The following NRXN3 variants were observed in gnomAD, a reference collection of about 807,000 sequenced individuals.
NRXN3 encodes neurexin 3.
NRXN3 carries 32 observed loss-of-function variants against 137.6 expected under a neutral mutation model. The observed-to-expected ratio is 0.23, with a 90% CI of 0.18 to 0.31. The LOEUF is 0.31. Ranked by LOEUF, NRXN3 falls within the 10% of genes least tolerant of loss-of-function variation. The probability of loss-of-function intolerance (pLI) is 1.00; values close to 1 mark genes in which losing one functional copy is unlikely to be tolerated. For synonymous variants in NRXN3, 798 were observed against 784.5 expected (o/e 1.02, Z -0.29); for missense variants, 1,574 against 2,062.5 (o/e 0.76, Z 4.59).
chr14:78,687,795 C>G (rs1405237046), intron 6 of NRXN3, among the ~76,000 whole-genome samples: 1 of 152,228 alleles, frequency 6.6e-6, no homozygotes, highest in Non-Finnish European at 1.5e-5. Context: ...ACACATAACA[C>G]TTCTGCTCAA....
At chr14:78,271,822 T>TG (rs2072801059) in intron 2 of NRXN3, among the ~76,000 whole-genome samples, 1 of 152,194 alleles carries the variant, frequency 6.6e-6, no homozygotes, top group African/African-American at 2.4e-5. Context: ...GGTAGATGAA[T>TG]GGACCCTTAT....
chr14:78,357,630 C>T (rs1314352391), intron 4 of NRXN3, among the ~76,000 whole-genome samples: 1 of 152,116 alleles, frequency 6.6e-6, no homozygotes, highest in Middle Eastern at 3.2e-3. Context: ...AGCATGTCTT[C>T]TCTTATTTTA....
intron 10 of NRXN3, among the ~76,000 whole-genome samples, chr14:78,863,164 A>G (rs1383011499): frequency 6.6e-6 from 1 of 152,164 alleles, no homozygotes; most frequent in Non-Finnish European, 1.5e-5. Context: ...GTCAGGCTAC[A>G]ATACAACATC....
At chr14:78,762,305 T>C (rs1004766210) in intron 8 of NRXN3, among the ~76,000 whole-genome samples, 20 of 152,212 alleles carry the variant, frequency 1.3e-4, no homozygotes, top group African/African-American at 4.6e-4. Flanking sequence ...CATTCTGTTC[T>C]TGCATTTTGT....
chr14:78,854,439 C>T (rs1179198304), intron 10 of NRXN3, among the ~76,000 whole-genome samples: 1 of 152,042 alleles, frequency 6.6e-6, no homozygotes, highest in African/African-American at 2.4e-5. Context: ...AAAAAAAGAT[C>T]TGTTAGCCTC....
intron 4 of NRXN3, among the ~76,000 whole-genome samples, chr14:78,373,531 T>A (rs529683863): frequency 1.2e-4 from 18 of 152,350 alleles, no homozygotes; most frequent in African/African-American, 4.3e-4. Context: ...CTATGGTACC[T>A]GCAAACTACA....
chr14:78,985,420 A>T (rs2099500762), intron 14 of NRXN3, among the ~76,000 whole-genome samples: 1 of 152,248 alleles, frequency 6.6e-6, no homozygotes, highest in African/African-American at 2.4e-5. Context: ...ACTGAATATT[A>T]TATGCAAAAA....
At chr14:79,459,008 T>C (rs2096291544) in intron 15 of NRXN3, among the ~76,000 whole-genome samples, 1 of 152,130 alleles carries the variant, frequency 6.6e-6, no homozygotes, top group African/African-American at 2.4e-5. Context: ...TGGCCACATA[T>C]TAGAAAGCCA....
At chr14:79,322,864 T>C (rs942884211) in intron 15 of NRXN3, among the ~76,000 whole-genome samples, 2 of 152,194 alleles carry the variant, frequency 1.3e-5, no homozygotes, top group Admixed American at 6.5e-5. Flanking sequence ...TGGCACCTCA[T>C]TGCTTTCACA....
chr14:78,894,585 A>T (rs2099168160), intron 10 of NRXN3, among the ~76,000 whole-genome samples: 1 of 151,922 alleles, frequency 6.6e-6, no homozygotes, highest in Non-Finnish European at 1.5e-5. Context: ...GTTAATGTTG[A>T]TATTTCAAAC....
chr14:78,967,101 A>T, intron 12 of NRXN3, 107 bp from the exon 13 acceptor site: 2 of 855,406 alleles, frequency 2.3e-6, no homozygotes, highest in Non-Finnish European at 1.8e-6. Flanking sequence ...GCATTATGCC[A>T]GTTTAGCATG....
chr14:79,375,247 T>C, intron 15 of NRXN3, among the ~76,000 whole-genome samples: 1 of 151,124 alleles, frequency 6.6e-6, no homozygotes, highest in Non-Finnish European at 1.5e-5. Flanking sequence ...TTTTTTTTTT[T>C]TTTTCCTTAA....
intron 20 of NRXN3, among the ~76,000 whole-genome samples, chr14:79,806,797 A>T (rs2099207409): frequency 6.7e-6 from 1 of 150,232 alleles, no homozygotes; most frequent in African/African-American, 2.4e-5. Context: ...TCAATTCAAC[A>T]GATATTTTTG....
intron 15 of NRXN3, among the ~76,000 whole-genome samples, chr14:79,234,713 G>A (rs2073074204): frequency 6.6e-6 from 1 of 151,878 alleles, no homozygotes; most frequent in African/African-American, 2.4e-5. Flanking sequence ...GGTATTCACA[G>A]TGCATATTAG....
chr14:78,250,885 C>T (rs926117821), intron 2 of NRXN3, among the ~76,000 whole-genome samples: 1 of 152,084 alleles, frequency 6.6e-6, no homozygotes, highest in African/African-American at 2.4e-5. Flanking sequence ...AGCAAAATGT[C>T]AAGTTCCTGG....
intron 2 of NRXN3, among the ~76,000 whole-genome samples, chr14:78,258,960 G>A (rs973598752): frequency 5.3e-5 from 8 of 151,900 alleles, no homozygotes; most frequent in Non-Finnish European, 1.0e-4. Context: ...GTGAAACACC[G>A]TTTCTACTAA....
chr14:78,407,886 C>A (rs1448823777), intron 4 of NRXN3, among the ~76,000 whole-genome samples: 1 of 152,128 alleles, frequency 6.6e-6, no homozygotes, highest in Non-Finnish European at 1.5e-5. Context: ...ATAATTGCTG[C>A]TTTACTGTGC....
intron 15 of NRXN3, among the ~76,000 whole-genome samples, chr14:79,423,301 T>A (rs1474896461): frequency 6.6e-6 from 1 of 152,208 alleles, no homozygotes; most frequent in Non-Finnish European, 1.5e-5. Flanking sequence ...TCTTTCACTT[T>A]CCATTTTGTA....
At chr14:79,784,991 G>T (rs2099125138) in intron 19 of NRXN3, among the ~76,000 whole-genome samples, 1 of 152,116 alleles carries the variant, frequency 6.6e-6, no homozygotes, top group Non-Finnish European at 1.5e-5. Flanking sequence ...GAGCAGAATT[G>T]TTACCCACAG....
Sources: gnomAD v4.1 joint callset for allele counts (sites outside exome capture counted in the v4.1 genomes callset) on GRCh38, gnomAD v4.1.1 for gene constraint, MANE v1.5 for transcripts, NCBI Gene and HGNC (gene_info 2026-07-23, HGNC 2026-07-21) for gene names.